Variants in RAP1GAP2 observed in about 807,000 individuals in gnomAD.
RAP1GAP2 encodes RAP1 GTPase activating protein 2, also known as rap1 GTPase-activating protein 2.
In RAP1GAP2, 27 loss-of-function variants were observed where a neutral mutation model predicts 95.0. The observed-to-expected ratio is 0.28, with a 90% confidence interval of 0.21 to 0.39. The LOEUF is 0.39. Ranked by LOEUF, RAP1GAP2 falls within the 10% of genes least tolerant of loss-of-function variation. The pLI is 1.00. For synonymous variants in RAP1GAP2, 373 were observed against 380.9 expected, an observed-to-expected ratio of 0.98 and a Z score of 0.24; for missense variants, 771 against 970.0, an observed-to-expected ratio of 0.79 and a Z score of 2.72.
chr17:2,941,272 C>T (rs545680418), intron 3 of RAP1GAP2, among the ~76,000 whole-genome samples: 64 of 152,106 alleles, frequency 4.2e-4, no homozygotes, highest in African/African-American at 1.5e-3. Context: ...CATGGTGGCA[C>T]GTGCTTGTAA....
chr17:2,869,540 C>A (rs1370927965), intron 2 of RAP1GAP2, among the ~76,000 whole-genome samples: 1 of 152,068 alleles, frequency 6.6e-6, no homozygotes, highest in Non-Finnish European at 1.5e-5. Context: ...TGGTGGTTCT[C>A]GCCTGGTCTC....
chr17:2,851,289 C>G (rs11651098), intron 2 of RAP1GAP2, among the ~76,000 whole-genome samples: 1 of 152,076 alleles, frequency 6.6e-6, no homozygotes, highest in Non-Finnish European at 1.5e-5. Context: ...TTCCATTTTT[C>G]TTTCTTGCCC....
intron 3 of RAP1GAP2, among the ~76,000 whole-genome samples, chr17:2,949,806 G>A (rs546711755): frequency 5.6e-4 from 85 of 152,356 alleles, no homozygotes; most frequent in Non-Finnish European, 1.1e-3. Flanking sequence ...CTTCTGGGTG[G>A]AAAAGGAGAC....
At chr17:2,806,282 C>T (rs994828278) in intron 2 of RAP1GAP2, among the ~76,000 whole-genome samples, 1 of 152,110 alleles carries the variant, frequency 6.6e-6, no homozygotes, top group African/African-American at 2.4e-5. Context: ...TCCTAGGTCC[C>T]TGGGGACTCC....
rs71377568 is a variant in RAP1GAP2, at chr17:3,013,627, C to CTTTTTTTTTTTTT, written c.1495-4430_1495-4429insTTTTTTTTTTTTT. Among the ~76,000 whole-genome samples, 22 of 78,918 alleles carry CTTTTTTTTTTTTT rather than the reference C, an allele frequency of 2.8e-4. 2 individuals carry two copies. The highest frequency in any genetic ancestry group is 5.3e-4 in the African/African-American group (10 of 18,830). 51.8% of individuals were successfully genotyped at this position (78,918 alleles called of 152,430 possible). ...AGCCTCTGAGTTTTTCTTTTCTTTT[C>CTTTTTTTTTTTTT]TTTTCTTTTTTTTTTTTTTTTTTTT... On this transcript the variant is annotated intron_variant, in intron 17 of 24. Transcript: ENST00000254695.
chr17:2,818,919 A>C (rs1330195243), intron 2 of RAP1GAP2, among the ~76,000 whole-genome samples: 1 of 152,138 alleles, frequency 6.6e-6, no homozygotes, highest in Non-Finnish European at 1.5e-5. Flanking sequence ...GTAAGTTTAT[A>C]CATGTCTAGT....
chr17:2,938,149 C>T lies in RAP1GAP2; in HGVS notation c.166-19610C>T, dbSNP rs117619264. On this transcript the variant is annotated intron_variant, in intron 3 of 24. Transcript: ENST00000254695. ...CACCTTGCTCTGGACACAGCACGTACGTCATGTCCTATTCTACAGCCACTT... is the reference window on the plus strand; with the variant it reads ...CACCTTGCTCTGGACACAGCACGTATGTCATGTCCTATTCTACAGCCACTT... Among the ~76,000 whole-genome samples the T allele has an allele frequency of 5.9e-3, 894 of 152,272 alleles. 4 individuals are homozygous for T. The highest frequency in any genetic ancestry group is 0.01 in the Non-Finnish European group (704 of 68,018).
intron 2 of RAP1GAP2, among the ~76,000 whole-genome samples, chr17:2,808,369 C>T (rs1210767609): frequency 2.0e-5 from 3 of 152,026 alleles, no homozygotes; most frequent in Admixed American, 6.6e-5. Flanking sequence ...GGAGAACTAG[C>T]GAGTTTGGGC....
At position 2,766,864 on chromosome 17, in the gene RAP1GAP2, C is replaced by T. The variant is rs1022118443; in HGVS notation, c.51-3465C>T. Among the ~76,000 whole-genome samples the T allele has an allele frequency of 2.0e-5, 3 of 152,284 alleles. No individual in the cohort carries two copies. The East Asian group carries it at 5.8e-4, about 29-fold the overall frequency. ...GCCCCAACTGTCTAACAGGGTCCTC[C>T]TTATCTTGTCCTTTAGAGCTCAGCT... On this transcript the variant is annotated intron_variant, in intron 1 of 25. Transcript: ENST00000637138.
intron 1 of RAP1GAP2, among the ~76,000 whole-genome samples, chr17:2,782,002 T>C (rs779724590): frequency 2.2e-4 from 33 of 152,332 alleles, no homozygotes; most frequent in Admixed American, 4.6e-4. Context: ...TCATGGGTAC[T>C]TTCTCTGGAT....
At chr17:3,016,719 G>C (rs1339378842) in intron 17 of RAP1GAP2, among the ~76,000 whole-genome samples, 1 of 144,284 alleles carries the variant, frequency 6.9e-6, no homozygotes, top group Non-Finnish European at 1.5e-5. Flanking sequence ...AGATCATTAC[G>C]ATGTGCTGGG....
intron 11 of RAP1GAP2, among the ~76,000 whole-genome samples, chr17:2,988,836 C>A (rs956397842): frequency 6.6e-6 from 1 of 152,064 alleles, no homozygotes; most frequent in African/African-American, 2.4e-5. Flanking sequence ...CCGAGGTGGG[C>A]GGATCACGAG....
chr17:2,808,452 G>T (rs188960861), intron 2 of RAP1GAP2, among the ~76,000 whole-genome samples: 2 of 152,268 alleles, frequency 1.3e-5, no homozygotes, highest in Admixed American at 1.3e-4. Flanking sequence ...CTCCTGTTTG[G>T]TCTGTCTGAG....
chr17:2,914,220 G>T (rs192873686), intron 3 of RAP1GAP2, among the ~76,000 whole-genome samples: 5 of 152,156 alleles, frequency 3.3e-5, no homozygotes, highest in Admixed American at 2.0e-4. Context: ...AAATGGTCAG[G>T]CCATCTTATA....
rs1160147887 is a variant in RAP1GAP2 at position 3,029,559 on chromosome 17, T to C, written c.2108-1363T>C. The stretch of plus-strand genomic sequence containing the variant: ...CGTACAGTCTCCATAATGTCAGATA[T>C]CTGATCATGGTCATTTCCTACCTGG... On this transcript the variant is annotated intron_variant, in intron 22 of 24. Transcript: ENST00000254695. This position sits in a 1 kb window ranked among gnomAD's most constrained non-coding sequence, Gnocchi z 4.4. 6.6e-6 allele frequency among the ~76,000 whole-genome samples: 1 copy of C among 152,098 alleles called. No homozygotes were observed. Among genetic ancestry groups the C allele is most frequent in the Non-Finnish European group, 1.5e-5 (1 of 68,026 alleles).
intron 3 of RAP1GAP2, among the ~76,000 whole-genome samples, chr17:2,920,748 C>T (rs968660457): frequency 2.6e-5 from 4 of 152,174 alleles, no homozygotes; most frequent in African/African-American, 9.7e-5. Flanking sequence ...GGTCAATATG[C>T]CAAACACGCA....
At chr17:2,895,862 G>A (rs2041804908) in intron 2 of RAP1GAP2, among the ~76,000 whole-genome samples, 2 of 152,132 alleles carry the variant, frequency 1.3e-5, no homozygotes, top group South Asian at 2.1e-4. Flanking sequence ...ACATCTGTGA[G>A]CCACCGCGCC....
At chr17:2,889,889 A>ATATATATATATATATT (rs1408426152) in intron 2 of RAP1GAP2, among the ~76,000 whole-genome samples, 3 of 57,316 alleles carry the variant, frequency 5.2e-5, no homozygotes, top group African/African-American at 7.2e-5. Flanking sequence ...ATATATATAT[A>ATATATATATATATATT]TTTTTTTTTT....
At chr17:2,890,087 G>A (rs543107073) in intron 2 of RAP1GAP2, among the ~76,000 whole-genome samples, 1 of 151,406 alleles carries the variant, frequency 6.6e-6, no homozygotes, top group Non-Finnish European at 1.5e-5. Flanking sequence ...CCTGGTCCCT[G>A]GGAGCCAAAT....
Sources: allele counts gnomAD v4.1 joint callset (sites outside exome capture counted in the v4.1 genomes callset), GRCh38; gene constraint gnomAD v4.1.1; non-coding constraint Gnocchi (gnomAD v3.1); transcripts MANE v1.5; gene names NCBI Gene and HGNC (gene_info 2026-07-23, HGNC 2026-07-21).